Variants in SLC2A14 observed in about 807,000 individuals in gnomAD.
SLC2A14 encodes the protein solute carrier family 2, facilitated glucose transporter member 14.
SLC2A14 carries 13 observed loss-of-function variants against 43.0 expected under a neutral mutation model. The observed-to-expected ratio is 0.30, with a 90% confidence interval of 0.20 to 0.48. The LOEUF is 0.48. SLC2A14 is among the 20% of genes least tolerant of loss of function. The pLI, the probability that SLC2A14 is intolerant of heterozygous loss-of-function variation, is 0.99. For missense variants in SLC2A14, 428 were observed against 620.4 expected (o/e 0.69, Z 3.29); for synonymous variants, 190 against 233.8 (o/e 0.81, Z 1.71).
At chr12:7,837,372 C>T (rs12824948) in intron 2 of SLC2A14, among the ~76,000 whole-genome samples, 33,571 of 151,932 alleles carry the variant, frequency 0.22, 4,655 homozygotes, top group Non-Finnish European at 0.31. Context: ...ATGGGCCAGG[C>T]GCAGTGGCTC....
At chr12:7,875,555 AC>A (rs991867113), upstream of SLC2A14, among the ~76,000 whole-genome samples, 1 of 151,788 alleles carries the variant, frequency 6.6e-6, no homozygotes, top group Non-Finnish European at 1.5e-5. Flanking sequence ...GAATGTTTCT[AC>A]CCCCTCAATA....
intron 2 of SLC2A14, among the ~76,000 whole-genome samples, chr12:7,840,612 C>T (rs1256305890): frequency 1.3e-5 from 2 of 152,138 alleles, no homozygotes; most frequent in Non-Finnish European, 2.9e-5. Flanking sequence ...TCTCAAACTC[C>T]TAACCTCAGG....
intron 7 of SLC2A14, among the ~76,000 whole-genome samples, chr12:7,822,552 C>G (rs2120698575): frequency 6.6e-6 from 1 of 151,944 alleles, no homozygotes; most frequent in South Asian, 2.1e-4. Flanking sequence ...GCCTGTAGTC[C>G]CAGCTACTGG....
chr12:7,870,831 C>G lies in SLC2A14; in HGVS notation c.-57-894G>C. 3.2e-6 allele frequency: 4 copies of G among 1,239,802 alleles called. No individual in the cohort carries two copies. In the South Asian group the frequency reaches 6.2e-5, roughly 19 times the overall value. 76.8% of individuals were successfully genotyped at this position (1,239,802 alleles called of 1,614,324 possible). A position where few individuals can be genotyped will look rare whatever the true frequency, so the allele number is the denominator to read the frequency against. On this transcript the variant is annotated intron_variant, in intron 1 of 10. Coordinates refer to ENST00000431042, the MANE Select transcript of SLC2A14 (RefSeq NM_001286234.2). ...CCCAGCTCCAAGAACCCAGTGAAGC[C>G]CCCACCCACCTGAAGCCAAAATGTT... is the stretch of plus-strand genomic sequence containing the variant.
intron 4 of SLC2A14, chr12:7,831,252 G>GT (rs35386927): frequency 1.9e-5 from 3 of 159,888 alleles, no homozygotes; most frequent in African/African-American, 4.9e-5. Flanking sequence ...CCCCAGTTTT[G>GT]TTTTTTTTTT....
intron 7 of SLC2A14, among the ~76,000 whole-genome samples, chr12:7,822,624 G>T (rs1864015830): frequency 6.6e-6 from 1 of 150,488 alleles, no homozygotes; most frequent in Non-Finnish European, 1.5e-5. Flanking sequence ...AGCCGAGATG[G>T]TGCCACTGCA....
chr12:7,882,896 A>C (rs1371262700), intron 1 of SLC2A14, among the ~76,000 whole-genome samples: 1 of 151,706 alleles, frequency 6.6e-6, no homozygotes, highest in East Asian at 1.9e-4. Flanking sequence ...AGTTTAAAAA[A>C]AAAAAAGGAC....
Position 7,828,872 on chromosome 12 carries a change from A to G in SLC2A14, c.514-6T>C. 1 of 1,612,850 alleles carries G rather than the reference A, an allele frequency of 6.2e-7. No homozygotes were observed. ...ATGAGTTCCAGACCAAAGATCTAGAAACCACACAAAGATAATGCTATAAAC... is the reference window on the plus strand; with the variant it reads ...ATGAGTTCCAGACCAAAGATCTAGAGACCACACAAAGATAATGCTATAAAC... On this transcript the variant is annotated splice_polypyrimidine_tract_variant and splice_region_variant and intron_variant, in intron 5 of 10. Transcript: ENST00000431042.
upstream of SLC2A14, among the ~76,000 whole-genome samples, chr12:7,877,963 G>A (rs1222575079): frequency 1.3e-5 from 2 of 152,074 alleles, no homozygotes; most frequent in Non-Finnish European, 2.9e-5. Flanking sequence ...GGCTGGTCTC[G>A]AACTCCTGAG....
At chr12:7,842,888 C>G (rs1427348131) in intron 2 of SLC2A14, among the ~76,000 whole-genome samples, 1 of 151,986 alleles carries the variant, frequency 6.6e-6, no homozygotes, top group Non-Finnish European at 1.5e-5. Context: ...GCCACCACAC[C>G]CAGCTAATTT....
chr12:7,887,458 C>A (rs1945705271), intron 1 of SLC2A14, among the ~76,000 whole-genome samples: 1 of 152,020 alleles, frequency 6.6e-6, no homozygotes, highest in Non-Finnish European at 1.5e-5. Context: ...ACCATTCATA[C>A]TCTTCTAGGG....
chr12:7,827,023 C>T (rs1291150683), intron 7 of SLC2A14, among the ~76,000 whole-genome samples: 3 of 127,544 alleles, frequency 2.4e-5, no homozygotes, highest in Non-Finnish European at 5.2e-5. Context: ...CTCTTTCTCT[C>T]CTTTCTCTCT....
intron 2 of SLC2A14, chr12:7,863,553 CAG>C (rs761491304): frequency 3.1e-5 from 11 of 356,698 alleles, no homozygotes; most frequent in Middle Eastern, 9.5e-4. Context: ...ACCCAGGACA[CAG>C]AGGTTGCAGT....
chr12:7,867,576 G>A (rs978311296), intron 2 of SLC2A14, among the ~76,000 whole-genome samples: 10 of 151,956 alleles, frequency 6.6e-5, no homozygotes, highest in African/African-American at 2.2e-4. Context: ...GCTGGGCTCA[G>A]TGGCTCACAC....
chr12:7,887,835 G>A (rs190580746), intron 1 of SLC2A14, among the ~76,000 whole-genome samples: 14 of 152,126 alleles, frequency 9.2e-5, no homozygotes, highest in Non-Finnish European at 1.8e-4. Flanking sequence ...CAATGTATTC[G>A]TCAGAATGAT....
intron 6 of SLC2A14, 55 bp downstream of exon 6, chr12:7,828,649 C>A: frequency 6.3e-7 from 1 of 1,590,410 alleles, no homozygotes; most frequent in South Asian, 1.1e-5. Context: ...TACCCTCACC[C>A]TTAAAACAAA....
chr12:7,874,763 C>G (rs1355194962), upstream of SLC2A14, among the ~76,000 whole-genome samples: 5 of 13,490 alleles, frequency 3.7e-4, no homozygotes, highest in Non-Finnish European at 7.5e-4. Flanking sequence ...ATTTATATAA[C>G]TATATAAACA....
chr12:7,882,130 C>T (rs1200818966), intron 1 of SLC2A14, among the ~76,000 whole-genome samples: 1 of 152,036 alleles, frequency 6.6e-6, no homozygotes, highest in African/African-American at 2.4e-5. Context: ...CTTGTTGCTG[C>T]TCAGTTTTTG....
In SLC2A14 at chr12:7,869,843, A is replaced by T. The variant is rs1313344704; in HGVS notation, c.18+20T>A. On this transcript the variant is annotated intron_variant, in intron 2 of 10. Coordinates refer to ENST00000431042, the MANE Select transcript of SLC2A14 (RefSeq NM_001286234.2). ...CTCTGACAAACCAATTTGATATCTG[A>T]CATCAGTTTTAATACTCACATTCTG... 5.6e-6 allele frequency: 8 copies of T among 1,424,834 alleles called. No individual in the cohort carries two copies. The highest frequency in any genetic ancestry group is 6.7e-6 in the Non-Finnish European group (7 of 1,046,524). The allele number at this position is 1,424,834 out of a possible 1,614,324, so 88.3% of individuals were successfully genotyped here.
Sources: allele counts gnomAD v4.1 joint callset (sites outside exome capture counted in the v4.1 genomes callset), GRCh38; gene constraint gnomAD v4.1.1; transcripts MANE v1.5; gene names NCBI Gene and HGNC (gene_info 2026-07-23, HGNC 2026-07-21).